Variants in N4BP2 observed in about 807,000 individuals in gnomAD.
N4BP2 encodes the protein NEDD4 binding protein 2, also known as NEDD4-binding protein 2.
Under a neutral mutation model 152.8 loss-of-function variants are expected in N4BP2, and 91 were observed. That is an observed-to-expected ratio of 0.60 (90% CI 0.50 to 0.71). The LOEUF is 0.71. Among genes scored for constraint, N4BP2 ranks in the 30% least tolerant of loss-of-function variants. The pLI is 0.00. For missense variants in N4BP2, 1,923 were observed against 2,059.1 expected (o/e 0.93, Z 1.28); for synonymous variants, 646 against 705.3 (o/e 0.92, Z 1.33).
intron 2 of N4BP2, chr4:40,083,025 T>C (rs893765364): frequency 3.6e-6 from 1 of 275,964 alleles, no homozygotes; most frequent in Non-Finnish European, 7.4e-6. Context: ...ACTGACTGTA[T>C]AGAAAGAGGA....
At chr4:40,090,658 C>T (rs115433915) in intron 2 of N4BP2, among the ~76,000 whole-genome samples, 2,643 of 152,116 alleles carry the variant, frequency 0.017, 95 homozygotes, top group African/African-American at 0.059. Context: ...TACAGCCAGG[C>T]GTGGTGAGTC....
At chr4:40,188,454 G>A in the N4BP2 span, among the ~76,000 whole-genome samples, 1 of 152,146 alleles carries the variant, frequency 6.6e-6, no homozygotes, top group African/African-American at 2.4e-5. Flanking sequence ...CATATAAAGT[G>A]CTTAACTGGG....
At chr4:40,071,655 C>G (rs1324826777) in intron 1 of N4BP2, among the ~76,000 whole-genome samples, 1 of 152,140 alleles carries the variant, frequency 6.6e-6, no homozygotes, top group Non-Finnish European at 1.5e-5. Context: ...CAACCTCTGT[C>G]TCTTGGGTTC....
rs533536528 is a variant in N4BP2 at position 40,133,359 on chromosome 4, A to G, written c.4646+1440A>G. On this transcript the variant is annotated intron_variant, in intron 13 of 17. Transcript: ENST00000261435. ...ATTTCTTTCTCCTTTTTTTTGAAACAGAGTCTCACTTTGTCTCCCAGGCTG... is the reference window on the plus strand; with the variant it reads ...ATTTCTTTCTCCTTTTTTTTGAAACGGAGTCTCACTTTGTCTCCCAGGCTG... Among the ~76,000 whole-genome samples the G allele has an allele frequency of 1.2e-4, 18 of 152,050 alleles. No homozygotes were observed. In the East Asian group the frequency reaches 2.5e-3, roughly 21 times the overall value.
chr4:40,125,993 A>G (rs1158696898), intron 11 of N4BP2, 141 bp from the exon 12 acceptor site: 3 of 466,484 alleles, frequency 6.4e-6, no homozygotes, highest in East Asian at 3.4e-5. Flanking sequence ...TGTATTTTAC[A>G]ATTTCAGAGT....
At chr4:40,094,808 T>C (rs1196030724) in intron 2 of N4BP2, among the ~76,000 whole-genome samples, 2 of 151,942 alleles carry the variant, frequency 1.3e-5, no homozygotes. Flanking sequence ...CACCTCGACC[T>C]CCCAAAACGC....
In N4BP2 at chr4:40,121,164, A is replaced by C; in HGVS notation, c.3053A>C (p.Glu1018Ala). 1 of 1,614,156 alleles carries C rather than the reference A, an allele frequency of 6.2e-7. No homozygotes were observed. The highest frequency in any genetic ancestry group is 1.1e-5 in the South Asian group (1 of 91,076). The change falls in exon 9 of 18, where the codon GAA (glutamate) becomes GCA (alanine). Residue 1018 changes from glutamate to alanine, a missense_variant. Transcript: ENST00000261435. ...GAAGTAGGCATGTGCACCCAGACTG[A>C]ACCACAGGATTTTGCTCTTTTATGG... ...GKEVGMCTQT[E>A]PQDFALLWKI...
At position 40,155,292 on chromosome 4, in the gene N4BP2, T is replaced by C. The variant is rs138208702; in HGVS notation, c.*1055T>C. Reference sequence around the variant, plus strand: ...CTGTAATCCCAGCTACTTGGGAGGCTGAGGCAGGAGAACCGCTTAAACCTG... The same window carrying C: ...CTGTAATCCCAGCTACTTGGGAGGCCGAGGCAGGAGAACCGCTTAAACCTG... On this transcript the variant is annotated 3_prime_UTR_variant, in exon 18 of 18. Coordinates refer to ENST00000261435, the MANE Select transcript of N4BP2 (RefSeq NM_018177.6). 5.4e-3 allele frequency: 815 copies of C among 151,850 alleles called. 6 individuals are homozygous for C. The highest frequency in any genetic ancestry group is 9.5e-3 in the Non-Finnish European group (648 of 68,076). The allele number at this position is 151,850 out of a possible 1,614,324, so 9.4% of individuals were successfully genotyped here. A position where few individuals can be genotyped will look rare whatever the true frequency, so the allele number is the denominator to read the frequency against.
intron 1 of N4BP2, among the ~76,000 whole-genome samples, chr4:40,069,013 G>A (rs933740124): frequency 5.9e-5 from 9 of 151,992 alleles, no homozygotes; most frequent in South Asian, 4.1e-4. Context: ...CTAGCTCCTC[G>A]GGAGGCTGAG....
chr4:40,088,888 C>T (rs757568152), intron 2 of N4BP2, among the ~76,000 whole-genome samples: 14 of 152,020 alleles, frequency 9.2e-5, no homozygotes, highest in Non-Finnish European at 1.3e-4. Context: ...TCTCCTCTTT[C>T]GTGTAGTGTT....
At chr4:40,099,955 C>T (rs777737816) in intron 3 of N4BP2, 13 of 174,626 alleles carry the variant, frequency 7.4e-5, no homozygotes, top group Non-Finnish European at 1.4e-4. Context: ...GGTTTTCTGT[C>T]CTTTGTAGTA....
At chr4:40,184,609 A>G in the N4BP2 span, among the ~76,000 whole-genome samples, 4 of 152,208 alleles carry the variant, frequency 2.6e-5, no homozygotes, top group African/African-American at 9.7e-5. Context: ...CACTATTACT[A>G]TCGGGTCTAA....
the N4BP2 span, among the ~76,000 whole-genome samples, chr4:40,178,830 G>C: frequency 6.6e-6 from 1 of 152,176 alleles, no homozygotes; most frequent in Admixed American, 6.5e-5. Flanking sequence ...GGAGAGCTCT[G>C]TCAGGGCAAG....
chr4:40,142,249 A>C (rs928626777), intron 14 of N4BP2: 2 of 302,374 alleles, frequency 6.6e-6, no homozygotes, highest in Non-Finnish European at 1.3e-5. Context: ...TCAGACCACC[A>C]ATGAACAGTT....
chr4:40,085,573 A>G (rs1713859028), intron 2 of N4BP2, among the ~76,000 whole-genome samples: 1 of 151,824 alleles, frequency 6.6e-6, no homozygotes, highest in African/African-American at 2.4e-5. Context: ...CCTCCTGCCT[A>G]AGCTTCCAGA....
At chr4:40,083,657 G>A (rs1352500312) in intron 2 of N4BP2, among the ~76,000 whole-genome samples, 2 of 152,116 alleles carry the variant, frequency 1.3e-5, no homozygotes, top group Non-Finnish European at 2.9e-5. Context: ...AAGTAGATTC[G>A]TGGTTGCCAG....
chr4:40,087,259 C>A (rs898906062), intron 2 of N4BP2, among the ~76,000 whole-genome samples: 2 of 151,820 alleles, frequency 1.3e-5, no homozygotes, highest in African/African-American at 2.4e-5. Context: ...TTCCCCTTCC[C>A]CTCCTTTAAA....
chr4:40,102,540 C>A lies in N4BP2; in HGVS notation c.695C>A (p.Thr232Lys). ...NESKCFIKDN[T>K]LALESNYPED... ...TCCAAGTGTTTTATAAAGGATAACA[C>A]ATTGGCTTTGGAAAGTAACTACCCG... The change falls in exon 4 of 18, where the codon ACA becomes AAA. Residue 232 changes from threonine to lysine, a missense_variant. Coordinates refer to ENST00000261435, the MANE Select transcript of N4BP2 (RefSeq NM_018177.6). 6.2e-7 allele frequency: 1 copy of A among 1,614,204 alleles called. No individual in the cohort carries two copies. The highest frequency in any genetic ancestry group is 2.2e-5 in the East Asian group (1 of 44,890).
chr4:40,178,223 G>T, the N4BP2 span, among the ~76,000 whole-genome samples: 1 of 152,086 alleles, frequency 6.6e-6, no homozygotes, highest in Non-Finnish European at 1.5e-5. Context: ...TCTTTGCTCA[G>T]AAATGTGTAC....
Sources: gnomAD v4.1 joint callset for allele counts (sites outside exome capture counted in the v4.1 genomes callset) on GRCh38, gnomAD v4.1.1 for gene constraint, MANE v1.5 for transcripts, NCBI Gene and HGNC (gene_info 2026-07-23, HGNC 2026-07-21) for gene names.